PCDH11X: variants seen among roughly 807,000 people sequenced by gnomAD.
PCDH11X encodes the protein protocadherin-11 X-linked.
Under a neutral mutation model 53.3 loss-of-function variants are expected in PCDH11X, and 18 were observed. That is an observed-to-expected ratio of 0.34 (90% CI 0.23 to 0.50). PCDH11X has a LOEUF of 0.50. PCDH11X is among the 20% of genes least tolerant of loss of function. The pLI is 0.98. For missense variants in PCDH11X, 570 were observed against 1,032.4 expected (o/e 0.55, Z 6.14); for synonymous variants, 279 against 393.3 (o/e 0.71, Z 3.44).
chrX:92,063,317 G>A (rs1484056840), intron 6 of PCDH11X, among the ~76,000 whole-genome samples: 34 of 105,880 alleles, frequency 3.2e-4, no homozygotes, highest in Non-Finnish European at 5.2e-4. Flanking sequence ...TTCTGCATAT[G>A]TATCCCAGAA....
At chrX:92,487,553 T>TA (rs35213506) in intron 10 of PCDH11X, among the ~76,000 whole-genome samples, 1 of 111,037 alleles carries the variant, frequency 9.0e-6, no homozygotes, top group African/African-American at 3.3e-5. Flanking sequence ...AAATCCTCAT[T>TA]AAAAAAAGAG....
At chrX:92,143,898 A>T (rs1219082556) in intron 6 of PCDH11X, among the ~76,000 whole-genome samples, 2 of 111,808 alleles carry the variant, frequency 1.8e-5, no homozygotes, top group South Asian at 7.5e-4. Flanking sequence ...TTGCAAAGCC[A>T]CAAGGGCAGA....
intron 6 of PCDH11X, among the ~76,000 whole-genome samples, chrX:91,890,962 T>C (rs1033263259): frequency 9.6e-6 from 1 of 104,620 alleles, no homozygotes; most frequent in African/African-American, 3.5e-5. Context: ...AATTTTCAGA[T>C]TGGGCAATGT....
intron 9 of PCDH11X, among the ~76,000 whole-genome samples, chrX:92,396,989 A>G (rs780324137): frequency 2.7e-5 from 1 of 37,362 alleles, no homozygotes; most frequent in East Asian, 1.7e-3. Flanking sequence ...CAATCCATTA[A>G]GTTATATGAA....
rs1488893059 is a variant in PCDH11X at position 92,620,476 on chromosome X, G to A, written c.*1536G>A. Reference sequence around the variant, plus strand: ...GAGACAATTGATGTTTAATGGGGGCGGTTGGGGTGGGGGGGGGAGTCAATA... The same window carrying A: ...GAGACAATTGATGTTTAATGGGGGCAGTTGGGGTGGGGGGGGGAGTCAATA... On this transcript the variant is annotated 3_prime_UTR_variant, in exon 11 of 11. Transcript: ENST00000682573. 4.4e-5 allele frequency: 4 copies of A among 90,836 alleles called. No individual in the cohort carries two copies. The highest frequency in any genetic ancestry group is 1.1e-4 in the African/African-American group (3 of 27,514). 7.5% of individuals were successfully genotyped at this position (90,836 alleles called of 1,213,427 possible).
At chrX:92,051,382 T>G (rs111696118) in intron 6 of PCDH11X, among the ~76,000 whole-genome samples, 3,681 of 111,524 alleles carry the variant, frequency 0.033, 148 homozygotes, top group African/African-American at 0.11. Flanking sequence ...ATGTATCTCC[T>G]AGGTTTGTGA....
intron 6 of PCDH11X, among the ~76,000 whole-genome samples, chrX:91,993,976 G>GTT (rs1242885817): frequency 5.5e-5 from 5 of 90,966 alleles, no homozygotes. Context: ...TTTTTTTTAA[G>GTT]TTTTTCTTGG....
chrX:91,862,884 AT>A lies in PCDH11X; in HGVS notation c.541-13894del, dbSNP rs1271441499. On this transcript the variant is annotated intron_variant, in intron 5 of 10. Coordinates refer to ENST00000682573, the MANE Select transcript of PCDH11X (RefSeq NM_032968.5). ...CCCACTGATCATTAAGCAGCATATT[AT>A]TTAATTTCCGTGTATTTGTATAGTT... Among the ~76,000 whole-genome samples, 3 of 68,524 alleles carry A rather than the reference AT, an allele frequency of 4.4e-5. No homozygotes were observed. The South Asian group carries it at 3.0e-3, about 68-fold the overall frequency. 59.5% of individuals were successfully genotyped at this position (68,524 alleles called of 115,157 possible).
chrX:91,805,592 G>A lies in PCDH11X; in HGVS notation c.-378-3874G>A, dbSNP rs182513259. 2.5e-3 allele frequency among the ~76,000 whole-genome samples: 283 copies of A among 110,997 alleles called. 1 individual carries two copies. The highest frequency in any genetic ancestry group is 4.6e-3 in the Middle Eastern group (1 of 216). Reference sequence around the variant, plus strand: ...TACTTTGGGAGGCCAAAGCAGGGGGGCTTGCTTGAGCTCAGGAGTTCCAGA... The same window carrying A: ...TACTTTGGGAGGCCAAAGCAGGGGGACTTGCTTGAGCTCAGGAGTTCCAGA... On this transcript the variant is annotated intron_variant, in intron 1 of 10. Transcript: ENST00000682573.
intron 7 of PCDH11X, among the ~76,000 whole-genome samples, chrX:92,203,678 G>A (rs1486263816): frequency 8.9e-6 from 1 of 112,109 alleles, no homozygotes; most frequent in Non-Finnish European, 1.9e-5. Flanking sequence ...AAACTCAGGA[G>A]AGGATGGAAG....
chrX:91,968,201 T>C (rs2147900637), intron 6 of PCDH11X, among the ~76,000 whole-genome samples: 1 of 112,150 alleles, frequency 8.9e-6, no homozygotes. Flanking sequence ...GTTTTTTTTC[T>C]GCAGAGTGGA....
intron 10 of PCDH11X, among the ~76,000 whole-genome samples, chrX:92,538,666 TACTTTA>T (rs1395098088): frequency 1.3e-4 from 13 of 97,880 alleles, no homozygotes; most frequent in South Asian, 5.5e-4. Flanking sequence ...AAACACTCTA[TACTTTA>T]ACTTTATACT....
intron 6 of PCDH11X, among the ~76,000 whole-genome samples, chrX:92,188,063 C>T (rs2066129771): frequency 9.0e-6 from 1 of 111,434 alleles, no homozygotes; most frequent in South Asian, 3.8e-4. Flanking sequence ...ATCTGCATCT[C>T]TACCCATTGA....
chrX:92,064,447 A>G (rs754623805), intron 6 of PCDH11X, among the ~76,000 whole-genome samples: 32 of 108,990 alleles, frequency 2.9e-4, no homozygotes, highest in Non-Finnish European at 1.3e-4. Context: ...TACCACCACA[A>G]TCGAGGTATG....
intron 6 of PCDH11X, among the ~76,000 whole-genome samples, chrX:92,037,287 C>T (rs1438759270): frequency 9.1e-6 from 1 of 109,661 alleles, no homozygotes; most frequent in Non-Finnish European, 1.9e-5. Flanking sequence ...TCAACTCCCA[C>T]TTATGAGTGG....
chrX:92,520,967 A>AT (rs1338692757), intron 10 of PCDH11X, among the ~76,000 whole-genome samples: 1 of 111,210 alleles, frequency 9.0e-6, no homozygotes, highest in Non-Finnish European at 1.9e-5. Context: ...TGCACTTTTA[A>AT]TTCTAGTTCT....
At chrX:91,852,817 G>A (rs1938108873) in intron 5 of PCDH11X, among the ~76,000 whole-genome samples, 1 of 107,378 alleles carries the variant, frequency 9.3e-6, no homozygotes, top group East Asian at 2.9e-4. Flanking sequence ...TTCTCGGGTT[G>A]CGGTGGGGGC....
intron 6 of PCDH11X, among the ~76,000 whole-genome samples, chrX:92,171,183 A>G (rs1237985840): frequency 1.9e-5 from 2 of 104,765 alleles, no homozygotes; most frequent in Admixed American, 1.0e-4. Context: ...AGCACTGAGG[A>G]CAGGAAGTAT....
intron 4 of PCDH11X, among the ~76,000 whole-genome samples, chrX:91,819,884 A>C (rs1936590755): frequency 1.1e-5 from 1 of 94,228 alleles, no homozygotes; most frequent in Non-Finnish European, 2.1e-5. Flanking sequence ...ATGTGATCTC[A>C]TTGTTCAGTT....
Sources: allele counts gnomAD v4.1 joint callset (sites outside exome capture counted in the v4.1 genomes callset), GRCh38; gene constraint gnomAD v4.1.1; transcripts MANE v1.5; gene names NCBI Gene and HGNC (gene_info 2026-07-23, HGNC 2026-07-21).